The following GFRA1 variants were observed in gnomAD, a reference collection of about 807,000 sequenced individuals.
GFRA1 encodes the protein GDNF family receptor alpha 1, also known as GDNF family receptor alpha-1.
A neutral mutation model predicts 51.6 loss-of-function variants in GFRA1; 16 were observed. The ratio of observed to expected loss-of-function variants is 0.31; its 90% CI spans 0.21 to 0.47. The LOEUF (loss-of-function observed/expected upper bound fraction) is 0.47, where lower values mean the gene tolerates loss of function less well. Ranked by LOEUF, GFRA1 falls within the 20% of genes least tolerant of loss-of-function variation. The pLI is 1.00. For synonymous variants in GFRA1, 270 were observed against 241.3 expected (o/e 1.12, Z -1.10); for missense variants, 530 against 594.3 (o/e 0.89, Z 1.13).
intron 4 of GFRA1, among the ~76,000 whole-genome samples, chr10:116,252,001 A>AATAT (rs1357954998): frequency 1.3e-4 from 18 of 140,032 alleles, no homozygotes; most frequent in Admixed American, 5.2e-4. Context: ...ACAATTACCA[A>AATAT]ATATAAAACC....
At chr10:116,075,766 A>G (rs940001057) in intron 9 of GFRA1, among the ~76,000 whole-genome samples, 1 of 151,840 alleles carries the variant, frequency 6.6e-6, no homozygotes, top group East Asian at 1.9e-4. Context: ...TTTTTTTGAG[A>G]CGGAGTCTTG....
intron 5 of GFRA1, among the ~76,000 whole-genome samples, chr10:116,153,589 A>G (rs2134147670): frequency 6.6e-6 from 1 of 152,328 alleles, no homozygotes; most frequent in East Asian, 1.9e-4. Context: ...AATCCTTTAA[A>G]AAGTAGTGGC....
At chr10:116,092,335 G>T (rs546260562) in intron 8 of GFRA1, among the ~76,000 whole-genome samples, 175 of 152,232 alleles carry the variant, frequency 1.1e-3, no homozygotes, top group African/African-American at 4.0e-3. Flanking sequence ...GTAAGCAAAT[G>T]ACTTCAATTT....
At chr10:116,139,041 G>A (rs1037101269) in intron 5 of GFRA1, among the ~76,000 whole-genome samples, 7 of 152,156 alleles carry the variant, frequency 4.6e-5, no homozygotes, top group Non-Finnish European at 8.8e-5. Context: ...CAGTATTCTC[G>A]TGGTGTTGGG....
chr10:116,076,272 G>C (rs1347705438), intron 9 of GFRA1, among the ~76,000 whole-genome samples: 1 of 152,156 alleles, frequency 6.6e-6, no homozygotes, highest in Non-Finnish European at 1.5e-5. Context: ...ATGTCTTCCA[G>C]CTGTGGCATC....
intron 5 of GFRA1, among the ~76,000 whole-genome samples, chr10:116,164,381 T>C (rs1294797578): frequency 3.9e-5 from 6 of 152,178 alleles, no homozygotes; most frequent in African/African-American, 1.4e-4. Flanking sequence ...GTTTTGTTTT[T>C]CAGTAGTTAC....
chr10:116,245,945 G>T (rs117302808), intron 4 of GFRA1, among the ~76,000 whole-genome samples: 193 of 152,300 alleles, frequency 1.3e-3, no homozygotes, highest in Non-Finnish European at 1.9e-3. Flanking sequence ...ATAAACAGGG[G>T]AAGCCCAGGA....
chr10:116,093,500 G>C (rs780984187), intron 8 of GFRA1, among the ~76,000 whole-genome samples: 2 of 152,102 alleles, frequency 1.3e-5, no homozygotes, highest in Non-Finnish European at 2.9e-5. Flanking sequence ...ATTACACGGG[G>C]TGGCCCACAA....
chr10:116,261,343 A>T (rs560608655), intron 4 of GFRA1, among the ~76,000 whole-genome samples: 1 of 152,200 alleles, frequency 6.6e-6, no homozygotes, highest in African/African-American at 2.4e-5. Flanking sequence ...ACGGGACTAG[A>T]ACGACCTCCA....
intron 5 of GFRA1, among the ~76,000 whole-genome samples, chr10:116,166,780 CTTTTTTTTTTTTTTT>C (rs530399969): frequency 7.9e-5 from 6 of 76,384 alleles, no homozygotes; most frequent in Non-Finnish European, 1.1e-4. Context: ...CAACAATCTT[CTTTTTTTTTTTTTTT>C]TTTTTTTTTT....
chr10:116,071,563 G>A (rs1955393194), intron 9 of GFRA1, among the ~76,000 whole-genome samples: 1 of 152,132 alleles, frequency 6.6e-6, no homozygotes, highest in African/African-American at 2.4e-5. Context: ...TTTGAGTGTG[G>A]GGATCCTAGC....
intron 6 of GFRA1, among the ~76,000 whole-genome samples, chr10:116,110,248 G>T (rs1482641668): frequency 6.6e-6 from 1 of 152,160 alleles, no homozygotes; most frequent in Non-Finnish European, 1.5e-5. Flanking sequence ...ATGATGACAA[G>T]GGATTTCACT....
chr10:116,126,667 G>GC (rs1280741394), intron 5 of GFRA1, among the ~76,000 whole-genome samples: 2 of 152,220 alleles, frequency 1.3e-5, no homozygotes, highest in East Asian at 3.9e-4. Flanking sequence ...GACAAGCACT[G>GC]CACAGCTGTG....
chr10:116,061,275 C>T lies in GFRA1; in HGVS notation c.*3123G>A, dbSNP rs1347881808. 1 of 149,666 alleles carries T rather than the reference C, an allele frequency of 6.7e-6. No homozygotes were observed. Among genetic ancestry groups the T allele is most frequent in the African/African-American group, 2.5e-5 (1 of 40,486 alleles). The allele number at this position is 149,666 out of a possible 1,614,324, so 9.3% of individuals were successfully genotyped here. A position where few individuals can be genotyped will look rare whatever the true frequency, so the allele number is the denominator to read the frequency against. ...AAAAAAAAAAAAGAAATGGAAACCA[C>T]ACTCCTATCACATTCTAGATCGTTT... On this transcript the variant is annotated 3_prime_UTR_variant, in exon 11 of 11. Transcript: ENST00000355422.
intron 6 of GFRA1, among the ~76,000 whole-genome samples, chr10:116,123,278 A>C (rs182008607): frequency 6.6e-6 from 1 of 152,318 alleles, no homozygotes. Flanking sequence ...GGGGCTTGGA[A>C]GTGAGGAAGG....
chr10:116,170,359 G>A (rs1175553784), intron 5 of GFRA1, among the ~76,000 whole-genome samples: 1 of 152,158 alleles, frequency 6.6e-6, no homozygotes, highest in Middle Eastern at 3.2e-3. Context: ...ACTCACAAAT[G>A]TCTTCTCTTT....
At chr10:116,131,216 T>C (rs75610482) in intron 5 of GFRA1, among the ~76,000 whole-genome samples, 341 of 152,322 alleles carry the variant, frequency 2.2e-3, no homozygotes, top group African/African-American at 8.0e-3. Context: ...CACAATGAGA[T>C]ACACTCTACA....
At chr10:116,139,765 A>C (rs558656112) in intron 5 of GFRA1, among the ~76,000 whole-genome samples, 1 of 152,328 alleles carries the variant, frequency 6.6e-6, no homozygotes, top group Non-Finnish European at 1.5e-5. Context: ...TCAGTGGGGA[A>C]GCGATAGAGG....
At chr10:116,079,886 C>T (rs765335324) in intron 9 of GFRA1, among the ~76,000 whole-genome samples, 1 of 152,160 alleles carries the variant, frequency 6.6e-6, no homozygotes, top group Non-Finnish European at 1.5e-5. Context: ...AAGCACCTAT[C>T]TCCAAACTCC....
Sources: gnomAD v4.1 joint callset for allele counts (sites outside exome capture counted in the v4.1 genomes callset) on GRCh38, gnomAD v4.1.1 for gene constraint, MANE v1.5 for transcripts, NCBI Gene and HGNC (gene_info 2026-07-23, HGNC 2026-07-21) for gene names.